Variants in TPTE2 observed in about 807,000 individuals in gnomAD.
TPTE2 encodes the protein phosphatidylinositol 3,4,5-trisphosphate 3-phosphatase TPTE2.
Under a neutral mutation model 78.6 loss-of-function variants are expected in TPTE2, and 53 were observed. The observed-to-expected ratio is 0.67, with a 90% CI of 0.54 to 0.85. TPTE2 has a LOEUF of 0.85. TPTE2 is among the 40% of genes least tolerant of loss of function. TPTE2 has a pLI of 0.00. For missense variants in TPTE2, 461 were observed against 623.0 expected (o/e 0.74, Z 2.77); for synonymous variants, 175 against 206.2 (o/e 0.85, Z 1.30).
intron 18 of TPTE2, chr13:19,425,977 T>C: frequency 2.5e-6 from 1 of 396,838 alleles, no homozygotes; most frequent in Non-Finnish European, 4.9e-6. Context: ...GAGGATTGCT[T>C]GAGCCCAGGA....
At chr13:19,456,224 C>T (rs1231104238) in intron 10 of TPTE2, among the ~76,000 whole-genome samples, 1 of 151,994 alleles carries the variant, frequency 6.6e-6, no homozygotes, top group Non-Finnish European at 1.5e-5. Flanking sequence ...ACCTTTAATC[C>T]CAGCACTTTG....
chr13:19,510,104 C>T (rs542546046), intron 1 of TPTE2, among the ~76,000 whole-genome samples: 1 of 152,096 alleles, frequency 6.6e-6, no homozygotes, highest in Non-Finnish European at 1.5e-5. Context: ...AACAACAATG[C>T]CAAAGCTAAC....
At chr13:19,497,152 C>T (rs1338620222) in intron 1 of TPTE2, among the ~76,000 whole-genome samples, 2 of 151,824 alleles carry the variant, frequency 1.3e-5, no homozygotes, top group Non-Finnish European at 2.9e-5. Flanking sequence ...GGGTCCTACG[C>T]CCACGGAGTC....
intron 6 of TPTE2, among the ~76,000 whole-genome samples, chr13:19,470,309 T>C (rs9578051): frequency 1.4e-3 from 213 of 152,332 alleles, no homozygotes; most frequent in Non-Finnish European, 2.5e-3. Flanking sequence ...TCCTTTATTG[T>C]GTGGATATAA....
At chr13:19,540,307 TATG>T (rs1339764947), upstream of TPTE2, among the ~76,000 whole-genome samples, 146 of 145,952 alleles carry the variant, frequency 1.0e-3, 6 homozygotes, top group East Asian at 4.5e-3. Context: ...TTATTATTAT[TATG>T]GTTTTTTTTA....
At chr13:19,440,054 T>A (rs1449393822) in intron 13 of TPTE2, among the ~76,000 whole-genome samples, 1 of 152,030 alleles carries the variant, frequency 6.6e-6, no homozygotes, top group Non-Finnish European at 1.5e-5. Context: ...TCGAGAAAAT[T>A]TCTTGAATCT....
At chr13:19,478,371 A>G (rs1299662896) in intron 4 of TPTE2, among the ~76,000 whole-genome samples, 15 of 152,266 alleles carry the variant, frequency 9.9e-5, no homozygotes, top group Non-Finnish European at 2.2e-4. Context: ...GACACTTCTC[A>G]AAAGAAGACA....
rs185494149 is a variant in TPTE2, at chr13:19,531,884, G to A, written c.-44+4712C>T. 4.2e-3 allele frequency among the ~76,000 whole-genome samples: 641 copies of A among 152,202 alleles called. 5 individuals are homozygous for A. The highest frequency in any genetic ancestry group is 0.026 in the South Asian group (127 of 4,812). The stretch of plus-strand genomic sequence containing the variant: ...AGAGGTTGCAGTGAGCCAAGATCGC[G>A]CCACTGCACTCCAGCCTTGGTGACA... On this transcript the variant is annotated intron_variant, in intron 1 of 17. Coordinates refer to the TPTE2 transcript ENST00000390680.
intron 17 of TPTE2, among the ~76,000 whole-genome samples, chr13:19,427,079 CTTTTTTTT>C (rs55904352): frequency 1.0e-4 from 7 of 67,292 alleles, no homozygotes; most frequent in Admixed American, 4.3e-4. Context: ...CTTTTCTTTT[CTTTTTTTT>C]TTTTTTTTTT....
chr13:19,423,905 C>T (rs1399082395), intron 19 of TPTE2, among the ~76,000 whole-genome samples: 1 of 152,166 alleles, frequency 6.6e-6, no homozygotes, highest in Non-Finnish European at 1.5e-5. Context: ...CCAGGTCTCA[C>T]TTTTTGAGGG....
chr13:19,536,798 G>T (rs961142154), upstream of TPTE2: 1 of 151,636 alleles, frequency 6.6e-6, no homozygotes, highest in African/African-American at 2.4e-5. Flanking sequence ...TCTGCAAGAG[G>T]TTTTTTTGGG....
Position 19,426,572 on chromosome 13 carries a change from G to C in TPTE2, c.1303-55C>G, listed in dbSNP as rs866163423. 7.2e-5 allele frequency: 78 copies of C among 1,083,038 alleles called. No homozygotes were observed. In the Middle Eastern group the frequency reaches 5.5e-3, roughly 76 times the overall value. 67.1% of individuals were successfully genotyped at this position (1,083,038 alleles called of 1,614,324 possible). On this transcript the variant is annotated intron_variant, in intron 17 of 19. Coordinates refer to ENST00000400230, the Ensembl canonical transcript of TPTE2. Reference sequence around the variant, plus strand: ...ACAAACCTAGATAACGATAACAAAAGTTCCTTTTCACTTATCATGACTTCC... The same window carrying C: ...ACAAACCTAGATAACGATAACAAAACTTCCTTTTCACTTATCATGACTTCC...
chr13:19,528,687 C>A (rs1446822859), intron 1 of TPTE2, among the ~76,000 whole-genome samples: 3 of 152,306 alleles, frequency 2.0e-5, no homozygotes, highest in Non-Finnish European at 4.4e-5. Context: ...TCCTTCGAGG[C>A]TGAATCATTG....
chr13:19,537,156 CTT>C (rs1290732856), upstream of TPTE2, among the ~76,000 whole-genome samples: 5 of 150,962 alleles, frequency 3.3e-5, no homozygotes, highest in Admixed American at 1.3e-4. Flanking sequence ...TTATTAGCCA[CTT>C]ATATTTTTTC....
rs200506301 is a variant in TPTE2, at chr13:19,441,102, T to A, written c.974-2949A>T. 1.3e-4 allele frequency among the ~76,000 whole-genome samples: 19 copies of A among 149,962 alleles called. No individual in the cohort carries two copies. The East Asian group carries it at 2.7e-3, about 22-fold the overall frequency. ...AACTCCCTCTCAAAAAAAAAAAAAA[T>A]AATTTCCTTTGCAGCATCACGGATG... On this transcript the variant is annotated intron_variant, in intron 13 of 19. Coordinates refer to ENST00000400230, the Ensembl canonical transcript of TPTE2.
intron 10 of TPTE2, among the ~76,000 whole-genome samples, chr13:19,458,982 T>C (rs976118025): frequency 6.6e-6 from 1 of 152,168 alleles, no homozygotes; most frequent in Non-Finnish European, 1.5e-5. Context: ...TCTAGGTCTT[T>C]GAGGAATTGC....
chr13:19,425,125 ACCATTAAATAGGTAG>A, intron 18 of TPTE2, 108 bp from the exon 22 acceptor site: 1 of 560,240 alleles, frequency 1.8e-6, no homozygotes, highest in Non-Finnish European at 3.1e-6. Context: ...AACAATTATA[ACCATTAAATAGGTAG>A]CACTCTGCAA....
the TPTE2 span, among the ~76,000 whole-genome samples, chr13:19,554,548 T>G: frequency 5.8e-3 from 879 of 152,222 alleles, 5 homozygotes; most frequent in Middle Eastern, 0.031. Context: ...TATTTTCTCT[T>G]TTAAATACTA....
chr13:19,458,182 C>T (rs56262628), intron 10 of TPTE2, among the ~76,000 whole-genome samples: 3,941 of 152,220 alleles, frequency 0.026, 63 homozygotes, highest in Non-Finnish European at 0.038. Context: ...ACAGTGATAG[C>T]ATTCACTGAA....
Sources: allele counts gnomAD v4.1 joint callset (sites outside exome capture counted in the v4.1 genomes callset), GRCh38; gene constraint gnomAD v4.1.1; transcripts MANE v1.5; gene names NCBI Gene and HGNC (gene_info 2026-07-23, HGNC 2026-07-21).